UGDH: variants seen among roughly 807,000 people sequenced by gnomAD.
UGDH encodes UDP-glucose 6-dehydrogenase.
A neutral mutation model predicts 50.6 loss-of-function variants in UGDH; 38 were observed. That is an observed-to-expected ratio of 0.75 (90% CI 0.58 to 0.98). UGDH has a LOEUF of 0.98. Among genes scored for constraint, UGDH ranks in the 50% least tolerant of loss-of-function variants. UGDH has a pLI of 0.00. For missense variants in UGDH, 465 were observed against 606.2 expected, an observed-to-expected ratio of 0.77 and a Z score of 2.45; for synonymous variants, 168 against 199.9, an observed-to-expected ratio of 0.84 and a Z score of 1.35.
chr4:39,505,050 A>G (rs1365439137), intron 9 of UGDH, among the ~76,000 whole-genome samples, 187 bp downstream of exon 9: 1 of 152,152 alleles, frequency 6.6e-6, no homozygotes, highest in African/African-American at 2.4e-5. Flanking sequence ...CAATGGACCA[A>G]TCCACAGCTG....
intron 1 of UGDH, among the ~76,000 whole-genome samples, chr4:39,521,929 C>A (rs534621845): frequency 6.6e-6 from 1 of 152,218 alleles, no homozygotes; most frequent in South Asian, 2.1e-4. Flanking sequence ...TGCTAGTGTA[C>A]AAAGATGAGT....
intron 1 of UGDH, 52 bp from the exon 2 acceptor site, chr4:39,521,571 G>A: frequency 7.2e-7 from 1 of 1,380,398 alleles, no homozygotes; most frequent in Non-Finnish European, 9.6e-7. Flanking sequence ...AAAATTTAAA[G>A]AAATAATATT....
At chr4:39,512,687 C>G (rs541785520) in intron 3 of UGDH, among the ~76,000 whole-genome samples, 3 of 152,042 alleles carry the variant, frequency 2.0e-5, no homozygotes, top group South Asian at 4.1e-4. Context: ...CTAGCTACTC[C>G]AAAATATTTT....
At chr4:39,524,773 T>C (rs899539909) in intron 1 of UGDH, among the ~76,000 whole-genome samples, 2 of 152,096 alleles carry the variant, frequency 1.3e-5, no homozygotes, top group Non-Finnish European at 1.5e-5. Context: ...CCTCCCAAAG[T>C]GTTGGGATTA....
In UGDH at chr4:39,499,285, A is replaced by G. The variant is rs1391561417; in HGVS notation, c.*858T>C. 2.0e-5 allele frequency: 3 copies of G among 152,142 alleles called. No homozygotes were observed. The highest frequency in any genetic ancestry group is 4.4e-5 in the Non-Finnish European group (3 of 68,028). 9.4% of individuals were successfully genotyped at this position (152,142 alleles called of 1,614,324 possible). A position where few individuals can be genotyped will look rare whatever the true frequency, so the allele number is the denominator to read the frequency against. ...TGATTAAAAAAAAAATCTTTTAACC[A>G]TATTTGGGGTGACTGGAAATTAACA... On this transcript the variant is annotated 3_prime_UTR_variant, in exon 12 of 12. Transcript: ENST00000316423.
chr4:39,505,548 C>T, intron 8 of UGDH, 70 bp downstream of exon 8: 2 of 1,417,044 alleles, frequency 1.4e-6, no homozygotes, highest in Non-Finnish European at 1.9e-6. Flanking sequence ...TACACCTACC[C>T]CAATCAAAAA....
chr4:39,527,119 C>T (rs1427313620), intron 1 of UGDH, 164 bp downstream of exon 1: 2 of 1,289,104 alleles, frequency 1.6e-6, no homozygotes, highest in Non-Finnish European at 2.0e-6. Context: ...CGGTTCCCGC[C>T]CTAAGCCCCA....
chr4:39,504,315 AAAAC>A, intron 10 of UGDH, 98 bp downstream of exon 10: 1 of 1,103,820 alleles, frequency 9.1e-7, no homozygotes, highest in South Asian at 1.4e-5. Context: ...CTCAAAAAAA[AAAAC>A]AAAAAAACAA....
At chr4:39,506,549 T>A (rs1003885986) in intron 7 of UGDH, among the ~76,000 whole-genome samples, 13 of 152,180 alleles carry the variant, frequency 8.5e-5, no homozygotes, top group Non-Finnish European at 1.9e-4. Context: ...ATGTGCAGAG[T>A]TCTAGCTGCC....
At chr4:39,514,039 G>T in intron 3 of UGDH, 44 bp downstream of exon 3, 3 of 1,456,624 alleles carry the variant, frequency 2.1e-6, no homozygotes, top group South Asian at 1.2e-5. Context: ...CTTTTATATA[G>T]ACAAGAATAC....
rs765736498 is a variant in UGDH at position 39,521,532 on chromosome 4, C to G, written c.-7-13G>C. 4 of 1,552,462 alleles carry G rather than the reference C, an allele frequency of 2.6e-6. No individual in the cohort carries two copies. The highest frequency in any genetic ancestry group is 2.5e-5 in the South Asian group (2 of 79,628). Reference sequence around the variant, plus strand: ...AAACATGATTGTACTAGAAGGAAAACAGTAAGACTGTTCTAGTATTGAAAA... The same window carrying G: ...AAACATGATTGTACTAGAAGGAAAAGAGTAAGACTGTTCTAGTATTGAAAA... On this transcript the variant is annotated splice_polypyrimidine_tract_variant and intron_variant, in intron 1 of 11. Transcript: ENST00000316423.
rs1745979001 is a variant in UGDH at position 39,505,243 on chromosome 4, C to A, written c.1165G>T (p.Asp389Tyr). The A allele has an allele frequency of 2.5e-6, 4 of 1,588,818 alleles. No homozygotes were observed. Among genetic ancestry groups the A allele is most frequent in the Non-Finnish European group, 2.6e-6 (3 of 1,172,428 alleles). The change falls in exon 9 of 12, where the codon GAC (aspartate) becomes TAC (tyrosine). Residue 389 changes from aspartate (D) to tyrosine (Y), a missense_variant. Physicochemically the swap from Asp to Tyr is radical, Grantham distance 160 (BLOSUM62 -3). Transcript: ENST00000316423. ...ATGAGACTCAAAGCCTTACCTTGGT[C>A]ATCCTCTGAAACACCTGGATGAGAA... is the stretch of plus-strand genomic sequence containing the variant. ...DLSHPGVSED[D>Y]QVSRLVTISK...
rs777820511 is a variant in UGDH, at chr4:39,514,201, A to T, written c.163-17T>A. 3.9e-6 allele frequency: 6 copies of T among 1,533,594 alleles called. No homozygotes were observed. In the South Asian group the frequency reaches 7.2e-5, roughly 18 times the overall value. 95.0% of individuals were successfully genotyped at this position (1,533,594 alleles called of 1,614,324 possible). ...TAGTCCTGGCTAAAAAGAAAAAAGA[A>T]AAGGAATTGTACATATAGCTTGCCA... On this transcript the variant is annotated splice_polypyrimidine_tract_variant and intron_variant, in intron 2 of 11. Coordinates refer to ENST00000316423, the MANE Select transcript of UGDH (RefSeq NM_003359.4).
intron 1 of UGDH, 39 bp from the exon 2 acceptor site, chr4:39,521,558 C>T (rs1746663805): frequency 1.4e-6 from 2 of 1,435,394 alleles, no homozygotes; most frequent in Admixed American, 2.5e-5. Context: ...GTATTGAAAA[C>T]AGAAAATTTA....
chr4:39,519,273 C>T (rs954925509), intron 2 of UGDH, among the ~76,000 whole-genome samples: 1 of 150,780 alleles, frequency 6.6e-6, no homozygotes, highest in Non-Finnish European at 1.5e-5. Flanking sequence ...CCAGGCTGGA[C>T]TTGAAACCCT....
In UGDH at chr4:39,517,271, C is replaced by G. The variant is rs185735282; in HGVS notation, c.163-3087G>C. Among the ~76,000 whole-genome samples the G allele has an allele frequency of 2.0e-5, 3 of 150,440 alleles. No homozygotes were observed. In the East Asian group the frequency reaches 5.8e-4, roughly 29 times the overall value. On this transcript the variant is annotated intron_variant, in intron 2 of 11. Transcript: ENST00000316423. Reference sequence around the variant, plus strand: ...AGGCTGGAGTGCAGTGGCGCGATCTCGGCTCACTGCAACCTCCACCTCCTG... The same window carrying G: ...AGGCTGGAGTGCAGTGGCGCGATCTGGGCTCACTGCAACCTCCACCTCCTG...
At chr4:39,503,269 C>T (rs928488041) in intron 11 of UGDH, among the ~76,000 whole-genome samples, 4 of 152,206 alleles carry the variant, frequency 2.6e-5, no homozygotes, top group East Asian at 1.9e-4. Flanking sequence ...AGGCTGGTCT[C>T]GAACTCCTGG....
intron 1 of UGDH, among the ~76,000 whole-genome samples, chr4:39,524,262 A>G (rs963848961): frequency 6.6e-6 from 1 of 152,292 alleles, no homozygotes; most frequent in South Asian, 2.1e-4. Flanking sequence ...TACTCGTTGC[A>G]GCTCCTGGGC....
At chr4:39,523,161 C>T (rs1051939927) in intron 1 of UGDH, among the ~76,000 whole-genome samples, 1 of 152,096 alleles carries the variant, frequency 6.6e-6, no homozygotes, top group Non-Finnish European at 1.5e-5. Context: ...GTTTGATTCT[C>T]GTGCCTCAGC....
Sources: gnomAD v4.1 joint callset for allele counts (sites outside exome capture counted in the v4.1 genomes callset) on GRCh38, gnomAD v4.1.1 for gene constraint, MANE v1.5 for transcripts, NCBI Gene and HGNC (gene_info 2026-07-23, HGNC 2026-07-21) for gene names.